The following KANSL1 variants were observed in gnomAD, a reference collection of about 807,000 sequenced individuals.
The protein encoded by KANSL1 is KAT8 regulatory NSL complex subunit 1, also known as MLL1/MLL complex subunit KANSL1.
A neutral mutation model predicts 103.6 loss-of-function variants in KANSL1; 22 were observed. The observed-to-expected ratio is 0.21, with a 90% confidence interval of 0.15 to 0.30. The LOEUF is 0.30. KANSL1 is among the 10% of genes least tolerant of loss of function. The pLI, the probability that KANSL1 is intolerant of heterozygous loss-of-function variation, is 1.00. For missense variants in KANSL1, 1,337 were observed against 1,399.8 expected, an observed-to-expected ratio of 0.96 and a Z score of 0.72; for synonymous variants, 600 against 527.6, an observed-to-expected ratio of 1.14 and a Z score of -1.88.
intron 6 of KANSL1, among the ~76,000 whole-genome samples, chr17:46,052,955 T>C (rs1598487933): frequency 4.0e-5 from 2 of 49,482 alleles, no homozygotes; most frequent in Admixed American, 2.8e-4. Flanking sequence ...AAGAGTAAGA[T>C]CCTGTCTCCA....
Position 46,034,201 on chromosome 17 carries a change from G to A in KANSL1, c.2626C>T (p.Arg876Cys). 6.2e-7 allele frequency: 1 copy of A among 1,614,124 alleles called. No homozygotes were observed. Among genetic ancestry groups the A allele is most frequent in the Non-Finnish European group, 8.5e-7 (1 of 1,179,986 alleles). The change falls in exon 11 of 15, where the codon CGC becomes TGC. Residue 876 changes from arginine (R) to cysteine (C), a missense_variant. Physicochemically the swap from Arg to Cys is radical, Grantham distance 180. Around this residue, in one of 2 missense-constraint regions of KANSL1, gnomAD observed 780 missense variants for 923.4 expected, o/e 0.84. Coordinates refer to ENST00000432791, the MANE Select transcript of KANSL1 (RefSeq NM_015443.4). The stretch of plus-strand genomic sequence containing the variant: ...TCCTTGTATTGCAGTTTCTCTACGC[G>A]AGTTGTTGCAGCAACAGACATTGGG... ...VIPMSVAATT[R>C]VEKLQYKEIL... is the part of the protein sequence containing the mutation.
rs761904417 is a variant in KANSL1 at position 46,171,829 on chromosome 17, C to T, written c.315G>A (p.Gln105=). 4.3e-6 allele frequency: 7 copies of T among 1,614,206 alleles called. No individual in the cohort carries two copies. The highest frequency in any genetic ancestry group is 5.9e-6 in the Non-Finnish European group (7 of 1,180,030). Residue 105 remains glutamine, a synonymous_variant, in exon 2 of 15, where the codon CAG becomes CAA. Transcript: ENST00000432791. ...AGAGAGGATGAGATTTAAGGACTGTCTGCTTGCTGAAGACCCCTTGCAACT... is the reference window on the plus strand; with the variant it reads ...AGAGAGGATGAGATTTAAGGACTGTTTGCTTGCTGAAGACCCCTTGCAACT... ...SLKLQGVFSK[Q]TVLKSHPLLS... is the part of the protein sequence containing the mutation.
chr17:46,034,495 A>G, intron 10 of KANSL1: 1 of 493,130 alleles, frequency 2.0e-6, no homozygotes, highest in East Asian at 4.0e-5. Context: ...ATGAGGAGTT[A>G]GTCCCATTCA....
chr17:46,033,219 CCT>C (rs764153172), intron 12 of KANSL1, 27 bp from the exon 13 acceptor site: 18 of 1,544,576 alleles, frequency 1.2e-5, no homozygotes, highest in African/African-American at 9.5e-5. Context: ...TCATCGATCC[CCT>C]CTTTTCTCCA....
intron 1 of KANSL1, among the ~76,000 whole-genome samples, chr17:46,201,163 C>A (rs778282876): frequency 6.6e-6 from 1 of 152,228 alleles, no homozygotes; most frequent in Non-Finnish European, 1.5e-5. Context: ...CCGCCCATCT[C>A]AGCCTCCCAA....
At chr17:46,071,951 T>A (rs2078591838) in intron 4 of KANSL1, among the ~76,000 whole-genome samples, 1 of 152,028 alleles carries the variant, frequency 6.6e-6, no homozygotes, top group Non-Finnish European at 1.5e-5. Context: ...CAGTTAAAGG[T>A]AGCAAGGAGG....
At chr17:46,076,420 C>T (rs142237561) in intron 4 of KANSL1, among the ~76,000 whole-genome samples, 169 of 150,178 alleles carry the variant, frequency 1.1e-3, no homozygotes, top group African/African-American at 4.0e-3. Context: ...CACTTGAACC[C>T]AGGAGGTGGA....
At chr17:46,166,933 G>A (rs1255739828) in intron 2 of KANSL1, among the ~76,000 whole-genome samples, 1 of 151,306 alleles carries the variant, frequency 6.6e-6, no homozygotes, top group African/African-American at 2.4e-5. Context: ...CAATATTTCA[G>A]TAATCACAAT....
chr17:46,064,149 A>C (rs1287361246), intron 6 of KANSL1, among the ~76,000 whole-genome samples: 1 of 151,418 alleles, frequency 6.6e-6, no homozygotes, highest in South Asian at 2.1e-4. Flanking sequence ...TGCTATTTTG[A>C]TATTTCAGGT....
rs34473927 is a variant in KANSL1 at position 46,052,964 on chromosome 17, C to CAAAA, written c.1849-2264_1849-2261dup. On this transcript the variant is annotated intron_variant, in intron 6 of 14. Transcript: ENST00000432791. ...GGGAAAAAGAGTAAGATCCTGTCTC[C>CAAAA]AAAAAAAAAAAAAAAAAAAAAAAAA... Among the ~76,000 whole-genome samples, 45 of 32,986 alleles carry CAAAA rather than the reference C, an allele frequency of 1.4e-3. 1 individual carries two copies. Among genetic ancestry groups the CAAAA allele is most frequent in the Non-Finnish European group, 1.6e-3 (28 of 17,120 alleles). The allele number at this position is 32,986 out of a possible 152,430, so 21.6% of individuals were successfully genotyped here.
At chr17:46,220,467 C>G (rs1239686606) in intron 1 of KANSL1, among the ~76,000 whole-genome samples, 5 of 152,162 alleles carry the variant, frequency 3.3e-5, no homozygotes, top group African/African-American at 1.2e-4. Flanking sequence ...CCGCCCGCCT[C>G]GGCCTCCCAA....
Position 46,171,190 on chromosome 17 carries a change from T to C in KANSL1, c.954A>G (p.Gln318=), listed in dbSNP as rs773332161. The change falls in exon 2 of 15, where the codon CAA becomes CAG. Residue 318 remains glutamine (Q), a synonymous_variant. Coordinates refer to ENST00000432791, the MANE Select transcript of KANSL1 (RefSeq NM_015443.4). ...TCTCCAAAAATCCACCCAGCTGATGTTGTATATGCCTCTCAACCTGCTTGG... is the reference window on the plus strand; with the variant it reads ...TCTCCAAAAATCCACCCAGCTGATGCTGTATATGCCTCTCAACCTGCTTGG... The part of the protein sequence containing the change: ...VQAKQVERHI[Q]HQLGGFLEKT... 3.1e-6 allele frequency: 5 copies of C among 1,614,024 alleles called. No homozygotes were observed. The highest frequency in any genetic ancestry group is 1.7e-5 in the Admixed American group (1 of 59,996).
chr17:46,038,647 A>C lies in KANSL1; in HGVS notation c.2432T>G (p.Leu811Trp). 6.2e-7 allele frequency: 1 copy of C among 1,614,140 alleles called. No homozygotes were observed. The highest frequency in any genetic ancestry group is 1.1e-5 in the South Asian group (1 of 91,090). The change falls in exon 10 of 15, where the codon TTG (leucine) becomes TGG (tryptophan). Residue 811 changes from leucine (L) to tryptophan (W), a missense_variant. Physicochemically the swap from Leu to Trp is moderately conservative, Grantham distance 61 (BLOSUM62 -2). Around this residue, in one of 2 missense-constraint regions of KANSL1, gnomAD observed 780 missense variants for 923.4 expected, o/e 0.84. Transcript: ENST00000432791. ...HHTDMSSSSY[L>W]AATHHPPHSP... is the part of the protein sequence containing the mutation. ...GTGTGGAGGATGGTGGGTGGCTGCC[A>C]AGTAGCTCGAACTGCTCATGTCTGT...
intron 4 of KANSL1, among the ~76,000 whole-genome samples, chr17:46,081,865 G>A (rs2078999508): frequency 6.6e-6 from 1 of 152,034 alleles, no homozygotes; most frequent in Non-Finnish European, 1.5e-5. Context: ...AACCTTTTAG[G>A]CAAAGTAAAA....
intron 6 of KANSL1, among the ~76,000 whole-genome samples, chr17:46,063,696 T>C (rs2078260523): frequency 6.6e-6 from 1 of 152,198 alleles, no homozygotes; most frequent in Non-Finnish European, 1.5e-5. Flanking sequence ...CTACCTTTTA[T>C]AATTTTATAT....
At chr17:46,197,408 C>T (rs2047648223), upstream of KANSL1, among the ~76,000 whole-genome samples, 1 of 152,206 alleles carries the variant, frequency 6.6e-6, no homozygotes, top group African/African-American at 2.4e-5. Context: ...TCTGGAAGGC[C>T]AAGGCAGGCA....
intron 1 of KANSL1, among the ~76,000 whole-genome samples, chr17:46,185,712 C>T (rs1211029080): frequency 1.1e-4 from 17 of 151,618 alleles, no homozygotes; most frequent in East Asian, 7.8e-4. Flanking sequence ...CACACACACA[C>T]ACACACACAC....
intron 6 of KANSL1, among the ~76,000 whole-genome samples, chr17:46,063,159 A>T (rs1204990215): frequency 1.3e-5 from 2 of 152,194 alleles, no homozygotes; most frequent in Admixed American, 1.3e-4. Context: ...AAAAAATATT[A>T]ATCACTTGCT....
upstream of KANSL1, among the ~76,000 whole-genome samples, chr17:46,225,182 C>T (rs957053357): frequency 6.6e-6 from 1 of 152,026 alleles, no homozygotes; most frequent in African/African-American, 2.4e-5. Context: ...GCGGCGCCCG[C>T]TCCCCGGGCC....
Sources: allele counts gnomAD v4.1 joint callset (sites outside exome capture counted in the v4.1 genomes callset), GRCh38; gene constraint gnomAD v4.1.1; regional missense constraint gnomAD v4.1.1; transcripts MANE v1.5; gene names NCBI Gene and HGNC (gene_info 2026-07-23, HGNC 2026-07-21).